Variants in RMST observed in about 807,000 individuals in gnomAD.
RMST encodes rhabdomyosarcoma 2 associated transcript.
At chr12:97,489,227 C>G (rs1202811605) in intron 5 of RMST, among the ~76,000 whole-genome samples, 1 of 152,140 alleles carries the variant, frequency 6.6e-6, no homozygotes, top group African/African-American at 2.4e-5. Flanking sequence ...GGGAAGATCG[C>G]TTGAGCTCAG....
At chr12:97,473,024 A>G (rs1874113837) in intron 5 of RMST, among the ~76,000 whole-genome samples, 1 of 152,158 alleles carries the variant, frequency 6.6e-6, no homozygotes, top group Non-Finnish European at 1.5e-5. Context: ...ACCTTGAAGA[A>G]CTAATTGAAT....
intron 5 of RMST, among the ~76,000 whole-genome samples, chr12:97,466,470 C>T (rs561471083): frequency 1.3e-3 from 201 of 152,130 alleles, no homozygotes; most frequent in South Asian, 3.1e-3. Flanking sequence ...CGGTATGTAT[C>T]TATTATGTAT....
At chr12:97,473,296 C>T (rs1481773603) in intron 5 of RMST, among the ~76,000 whole-genome samples, 2 of 152,070 alleles carry the variant, frequency 1.3e-5, no homozygotes, top group Non-Finnish European at 2.9e-5. Context: ...GTAACTATGT[C>T]ATCCTGTTAG....
chr12:97,554,414 G>C lies in RMST; in HGVS notation n.1546-6123G>C, dbSNP rs560294292. Among the ~76,000 whole-genome samples, 149 of 152,210 alleles carry C rather than the reference G, an allele frequency of 9.8e-4. 1 individual carries two copies. Among genetic ancestry groups the C allele is most frequent in the Non-Finnish European group, 6.3e-4 (43 of 68,018 alleles). ...TAGAAATCAAAAGATGCACGCATCA[G>C]ATACTTTTCTGCCAATAAAACAGGG... On this transcript the variant is annotated intron_variant and non_coding_transcript_variant, in intron 11 of 13. Transcript: ENST00000640149.
chr12:97,513,156 T>C (rs4351864), intron 10 of RMST, among the ~76,000 whole-genome samples: 20,471 of 152,230 alleles, frequency 0.13, 2,158 homozygotes, highest in African/African-American at 0.28. Flanking sequence ...GGGCCGGCTC[T>C]GGCCTTGGCC....
intron 11 of RMST, among the ~76,000 whole-genome samples, chr12:97,539,530 A>G (rs1382743602): frequency 6.6e-6 from 1 of 151,660 alleles, no homozygotes; most frequent in Non-Finnish European, 1.5e-5. Flanking sequence ...GCACAGACAA[A>G]GGAAGAAAAT....
chr12:97,549,910 A>G (rs1243793063), intron 11 of RMST, among the ~76,000 whole-genome samples: 1 of 152,244 alleles, frequency 6.6e-6, no homozygotes, highest in Non-Finnish European at 1.5e-5. Context: ...ACAAAGTGAA[A>G]TAACCCAAGT....
intron 10 of RMST, among the ~76,000 whole-genome samples, chr12:97,508,252 G>A (rs1878907607): frequency 6.6e-6 from 1 of 152,090 alleles, no homozygotes; most frequent in African/African-American, 2.4e-5. Context: ...AGAGAGTTGA[G>A]CACATTAGAA....
At chr12:97,537,259 A>G (rs1192072562) in intron 11 of RMST, among the ~76,000 whole-genome samples, 1 of 151,450 alleles carries the variant, frequency 6.6e-6, no homozygotes, top group Non-Finnish European at 1.5e-5. Context: ...GAATTCATTA[A>G]CCATTTGAGT....
intron 5 of RMST, among the ~76,000 whole-genome samples, chr12:97,477,490 A>G (rs964677875): frequency 6.6e-6 from 1 of 152,214 alleles, no homozygotes; most frequent in Non-Finnish European, 1.5e-5. Context: ...GATAAATTTA[A>G]TAGTTGTAAA....
intron 5 of RMST, among the ~76,000 whole-genome samples, chr12:97,471,603 T>C (rs1164237394): frequency 6.6e-6 from 1 of 152,162 alleles, no homozygotes; most frequent in East Asian, 1.9e-4. Flanking sequence ...TGAGCTGGGC[T>C]CCCCTTTAAC....
At chr12:97,497,971 T>C (rs2136468365) in intron 10 of RMST, among the ~76,000 whole-genome samples, 1 of 152,242 alleles carries the variant, frequency 6.6e-6, no homozygotes, top group East Asian at 1.9e-4. Flanking sequence ...TGAAGATCAA[T>C]CATCCATGGT....
chr12:97,486,594 A>G (rs1182360157), intron 5 of RMST, among the ~76,000 whole-genome samples: 1 of 152,218 alleles, frequency 6.6e-6, no homozygotes, highest in Non-Finnish European at 1.5e-5. Context: ...TACTACATTC[A>G]TTCATTCTGG....
intron 5 of RMST, chr12:97,491,891 C>T (rs368645114): frequency 4.4e-5 from 23 of 523,398 alleles, no homozygotes; most frequent in African/African-American, 3.1e-4. Flanking sequence ...TCCACCCGAG[C>T]GTCCATGGGT....
intron 10 of RMST, among the ~76,000 whole-genome samples, chr12:97,512,992 AG>A (rs1263236203): frequency 6.6e-6 from 1 of 152,232 alleles, no homozygotes; most frequent in Non-Finnish European, 1.5e-5. Flanking sequence ...CCAGGTGCTA[AG>A]CCCCTCACTG....
At chr12:97,499,954 C>T (rs919357631) in intron 10 of RMST, among the ~76,000 whole-genome samples, 25 of 152,098 alleles carry the variant, frequency 1.6e-4, no homozygotes, top group South Asian at 4.1e-4. Flanking sequence ...TCATCATGCC[C>T]GGCCTATGTC....
intron 11 of RMST, among the ~76,000 whole-genome samples, chr12:97,549,850 G>C (rs1883192330): frequency 6.6e-6 from 1 of 152,186 alleles, no homozygotes; most frequent in Non-Finnish European, 1.5e-5. Context: ...ATATAAGCAG[G>C]TGTTCATTAA....
At chr12:97,502,911 A>T (rs1878248389) in intron 10 of RMST, among the ~76,000 whole-genome samples, 1 of 152,180 alleles carries the variant, frequency 6.6e-6, no homozygotes, top group African/African-American at 2.4e-5. Context: ...GTACAATGTG[A>T]CTTCCTTGGG....
At chr12:97,515,611 C>T in intron 10 of RMST, among the ~76,000 whole-genome samples, 1 of 152,002 alleles carries the variant, frequency 6.6e-6, no homozygotes, top group Non-Finnish European at 1.5e-5. Context: ...AGTGAATAAA[C>T]ATGTTTTCCC....
Sources: gnomAD v4.1 joint callset for allele counts (sites outside exome capture counted in the v4.1 genomes callset) on GRCh38, gnomAD v4.1.1 for gene constraint, MANE v1.5 for transcripts, NCBI Gene and HGNC (gene_info 2026-07-23, HGNC 2026-07-21) for gene names.